The following MACROD2 variants were observed in gnomAD, a reference collection of about 807,000 sequenced individuals.
MACROD2 encodes ADP-ribose glycohydrolase MACROD2.
A neutral mutation model predicts 70.4 loss-of-function variants in MACROD2; 36 were observed. The ratio of observed to expected loss-of-function variants is 0.51; its 90% CI spans 0.39 to 0.68. MACROD2 has a LOEUF of 0.68. Among genes scored for constraint, MACROD2 ranks in the 30% least tolerant of loss-of-function variants. MACROD2 has a pLI of 0.00. For missense variants in MACROD2, 496 were observed against 538.4 expected (o/e 0.92, Z 0.78); for synonymous variants, 172 against 178.8 (o/e 0.96, Z 0.30).
chr20:15,451,579 A>C (rs1331860334), intron 7 of MACROD2, among the ~76,000 whole-genome samples: 1 of 152,078 alleles, frequency 6.6e-6, no homozygotes, highest in African/African-American at 2.4e-5. Context: ...CTGAGAGAAG[A>C]CTAGCGGTAA....
At chr20:14,196,199 C>T (rs1410520241) in intron 3 of MACROD2, among the ~76,000 whole-genome samples, 3 of 152,196 alleles carry the variant, frequency 2.0e-5, no homozygotes, top group Admixed American at 6.5e-5. Flanking sequence ...CCTCCCCTCT[C>T]TCCAGGCCAA....
chr20:14,685,646 T>A (rs529243495), intron 5 of MACROD2, among the ~76,000 whole-genome samples: 1 of 152,328 alleles, frequency 6.6e-6, no homozygotes, highest in Non-Finnish European at 1.5e-5. Flanking sequence ...GTGTCATAGC[T>A]TTTTTATCCT....
chr20:15,474,004 TGTGA>T (rs1408028491), intron 7 of MACROD2, among the ~76,000 whole-genome samples: 1 of 152,232 alleles, frequency 6.6e-6, no homozygotes, highest in East Asian at 1.9e-4. Flanking sequence ...CTGTTAGCTC[TGTGA>T]GTCTAGGCAA....
intron 5 of MACROD2, among the ~76,000 whole-genome samples, chr20:15,004,163 C>G (rs1267571487): frequency 1.3e-5 from 2 of 152,174 alleles, no homozygotes; most frequent in Admixed American, 1.3e-4. Context: ...TGTGGCTGTC[C>G]TCATGTCTAT....
chr20:15,608,947 C>A (rs985644565), intron 8 of MACROD2, among the ~76,000 whole-genome samples: 3 of 152,014 alleles, frequency 2.0e-5, no homozygotes, highest in African/African-American at 4.8e-5. Flanking sequence ...TTTATAATTT[C>A]TCTCCCCTTA....
chr20:14,594,114 G>A (rs912163776), intron 4 of MACROD2, among the ~76,000 whole-genome samples: 2 of 152,166 alleles, frequency 1.3e-5, no homozygotes, highest in Admixed American at 6.5e-5. Context: ...TACAAAGGAG[G>A]AGAAACTAAC....
At chr20:15,981,462 T>C (rs2066399021) in intron 13 of MACROD2, among the ~76,000 whole-genome samples, 1 of 152,184 alleles carries the variant, frequency 6.6e-6, no homozygotes, top group Admixed American at 6.5e-5. Flanking sequence ...ATCAGGGTGA[T>C]TCTTTTGGGC....
At chr20:14,736,799 T>C (rs1303465529) in intron 5 of MACROD2, among the ~76,000 whole-genome samples, 1 of 152,184 alleles carries the variant, frequency 6.6e-6, no homozygotes, top group Non-Finnish European at 1.5e-5. Context: ...TTGATTCTAA[T>C]TGGTCTGTTT....
chr20:14,174,849 G>T (rs2081250750), intron 3 of MACROD2, among the ~76,000 whole-genome samples: 1 of 152,144 alleles, frequency 6.6e-6, no homozygotes, highest in Admixed American at 6.6e-5. Flanking sequence ...GTGCCCACAG[G>T]ACTCTTTCTG....
At chr20:15,083,396 C>G (rs59267201) in intron 5 of MACROD2, among the ~76,000 whole-genome samples, 1 of 152,098 alleles carries the variant, frequency 6.6e-6, no homozygotes, top group African/African-American at 2.4e-5. Context: ...AAGGACTACT[C>G]GACAATGCTA....
intron 8 of MACROD2, among the ~76,000 whole-genome samples, chr20:15,825,585 G>A (rs973418631): frequency 2.0e-5 from 3 of 151,714 alleles, no homozygotes; most frequent in Middle Eastern, 3.4e-3. Context: ...TGCAAGCTCC[G>A]CCTCCTGGGT....
intron 5 of MACROD2, among the ~76,000 whole-genome samples, chr20:15,150,188 G>C (rs1412189553): frequency 6.6e-6 from 1 of 152,026 alleles, no homozygotes; most frequent in East Asian, 1.9e-4. Flanking sequence ...GGCTATCTGT[G>C]AGGGCTTGCA....
chr20:15,089,340 C>T, intron 5 of MACROD2, among the ~76,000 whole-genome samples: 1 of 152,016 alleles, frequency 6.6e-6, no homozygotes, highest in East Asian at 1.9e-4. Context: ...TCTTTATCCC[C>T]ACTTAGGCAG....
intron 2 of MACROD2, 139 bp from the exon 3 acceptor site, chr20:14,085,482 A>G (rs2148669383): frequency 6.8e-6 from 3 of 442,920 alleles, no homozygotes; most frequent in Non-Finnish European, 1.2e-5. Flanking sequence ...CACCCCTTGT[A>G]CTTACGCTCT....
intron 6 of MACROD2, among the ~76,000 whole-genome samples, chr20:15,390,211 A>G (rs1324044074): frequency 6.6e-6 from 1 of 152,124 alleles, no homozygotes; most frequent in Non-Finnish European, 1.5e-5. Flanking sequence ...CCTAGGAGGG[A>G]TGACTATTAC....
At chr20:14,642,665 T>C (rs955658248) in intron 4 of MACROD2, among the ~76,000 whole-genome samples, 31 of 152,268 alleles carry the variant, frequency 2.0e-4, no homozygotes, top group African/African-American at 6.3e-4. Context: ...AGATGGGCAA[T>C]TGCTGGTTGG....
At chr20:15,474,310 G>A (rs1207835351) in intron 7 of MACROD2, among the ~76,000 whole-genome samples, 1 of 151,938 alleles carries the variant, frequency 6.6e-6, no homozygotes, top group Non-Finnish European at 1.5e-5. Context: ...TTTTTTGTTG[G>A]TTTGTTTTTA....
chr20:15,138,580 C>G (rs567604885), intron 5 of MACROD2, among the ~76,000 whole-genome samples: 1 of 152,274 alleles, frequency 6.6e-6, no homozygotes, highest in African/African-American at 2.4e-5. Flanking sequence ...TTAATTTTCT[C>G]TCAAATAATT....
intron 4 of MACROD2, among the ~76,000 whole-genome samples, chr20:14,549,646 C>T (rs1978524335): frequency 6.6e-6 from 1 of 151,684 alleles, no homozygotes; most frequent in Admixed American, 6.6e-5. Flanking sequence ...AGCCCTCTGC[C>T]CAATCCATGA....
Sources: gnomAD v4.1 joint callset for allele counts (sites outside exome capture counted in the v4.1 genomes callset) on GRCh38, gnomAD v4.1.1 for gene constraint, MANE v1.5 for transcripts, NCBI Gene and HGNC (gene_info 2026-07-23, HGNC 2026-07-21) for gene names.